Variants in FOXP3 observed in about 807,000 individuals in gnomAD.
FOXP3 encodes forkhead box protein P3.
In FOXP3, 5 loss-of-function variants were observed where a neutral mutation model predicts 31.2. The ratio of observed to expected loss-of-function variants is 0.16; its 90% confidence interval spans 0.08 to 0.34. The LOEUF (loss-of-function observed/expected upper bound fraction) is 0.34. Ranked by LOEUF, FOXP3 falls within the 10% of genes least tolerant of loss-of-function variation. FOXP3 has a pLI of 1.00. For synonymous variants in FOXP3, 141 were observed against 148.8 expected, an observed-to-expected ratio of 0.95 and a Z score of 0.38; for missense variants, 251 against 363.0, an observed-to-expected ratio of 0.69 and a Z score of 2.51.
chrX:49,255,941 C>T, intron 6 of FOXP3, 139 bp from the exon 7 acceptor site: 1 of 537,682 alleles, frequency 1.9e-6, no homozygotes, highest in Non-Finnish European at 3.2e-6. Context: ...CTCAGTCTCC[C>T]TCTCACACCC....
In FOXP3 at chrX:49,253,852, C is replaced by T. The variant is rs1557115897; in HGVS notation, c.967+65G>A. On this transcript the variant is annotated intron_variant, in intron 9 of 11. Coordinates refer to ENST00000376207, the MANE Select transcript of FOXP3 (RefSeq NM_014009.4). Reference sequence around the variant, plus strand: ...GGGCAGCATGGAGCTCCTTTGCACCCTCCACCCAGAGCCTGTCAGGATTAG... The same window carrying T: ...GGGCAGCATGGAGCTCCTTTGCACCTTCCACCCAGAGCCTGTCAGGATTAG... 2.5e-6 allele frequency: 3 copies of T among 1,184,436 alleles called. No homozygotes were observed. In the African/African-American group the frequency reaches 5.3e-5, roughly 21 times the overall value.
intron 8 of FOXP3, among the ~76,000 whole-genome samples, chrX:49,254,961 T>C (rs957244671): frequency 3.5e-4 from 38 of 107,745 alleles, no homozygotes; most frequent in East Asian, 3.5e-3. Flanking sequence ...TTTTTTTTTT[T>C]TTCTTGAGAC....
chrX:49,255,620 G>T, intron 7 of FOXP3, 95 bp downstream of exon 7: 1 of 1,103,595 alleles, frequency 9.1e-7, no homozygotes, highest in Non-Finnish European at 1.2e-6. Context: ...CTTTATACCA[G>T]CCCTCGTCCC....
chrX:49,252,984 C>T (rs1344453013), intron 10 of FOXP3, 142 bp downstream of exon 10: 16 of 516,533 alleles, frequency 3.1e-5, no homozygotes, highest in Admixed American at 2.1e-4. Context: ...ATTTGAGGCA[C>T]GGCTTGGGGA....
intron 10 of FOXP3, among the ~76,000 whole-genome samples, chrX:49,252,526 T>C (rs1266670692): frequency 9.1e-6 from 1 of 109,914 alleles, no homozygotes; most frequent in East Asian, 2.9e-4. Flanking sequence ...TGGTATCATG[T>C]AGGGGTGAGG....
chrX:49,264,622 T>C (rs1557117589), intron 1 of FOXP3, 39 bp downstream of exon 1: 1 of 735,235 alleles, frequency 1.4e-6, no homozygotes, highest in East Asian at 1.5e-4. Context: ...TCTCCTCCAA[T>C]GGGGCCCACA....
Position 49,251,117 on chromosome X carries a change from G to A in FOXP3, c.*217C>T. On this transcript the variant is annotated 3_prime_UTR_variant, in exon 12 of 12. Coordinates refer to ENST00000376207, the MANE Select transcript of FOXP3 (RefSeq NM_014009.4). The stretch of plus-strand genomic sequence containing the variant: ...GGGGCGGAGGTGGGGGCTGGGGCCA[G>A]GACCGGGGCCCCTCTGAGCAGCCTT... The A allele has an allele frequency of 2.2e-6, 1 of 463,753 alleles. No individual in the cohort carries two copies. Among genetic ancestry groups the A allele is most frequent in the Non-Finnish European group, 3.7e-6 (1 of 273,339 alleles). The allele number at this position is 463,753 out of a possible 1,213,427, so 38.2% of individuals were successfully genotyped here. A position where few individuals can be genotyped will look rare whatever the true frequency, so the allele number is the denominator to read the frequency against.
chrX:49,251,164 G>A lies in FOXP3; in HGVS notation c.*170C>T, dbSNP rs781957355. On this transcript the variant is annotated 3_prime_UTR_variant, in exon 12 of 12. Transcript: ENST00000376207. ...CCTTGGGGCAAAGGATATGATGGGG[G>A]AGGGGGTGGCTGCCAGCGGGGGAAC... is the stretch of plus-strand genomic sequence containing the variant. 2 of 623,028 alleles carry A rather than the reference G, an allele frequency of 3.2e-6. No homozygotes were observed. Among genetic ancestry groups the A allele is most frequent in the African/African-American group, 2.3e-5 (1 of 44,151 alleles). 51.3% of individuals were successfully genotyped at this position (623,028 alleles called of 1,213,427 possible).
intron 1 of FOXP3, among the ~76,000 whole-genome samples, chrX:49,262,624 G>A (rs2066116766): frequency 8.9e-6 from 1 of 112,129 alleles, no homozygotes; most frequent in Admixed American, 9.4e-5. Flanking sequence ...TTGTGTGTCA[G>A]GCCTTGTGCT....
At position 49,258,411 on chromosome X, in the gene FOXP3, G is replaced by A; in HGVS notation, c.95C>T (p.Ala32Val). 2 of 1,179,662 alleles carry A rather than the reference G, an allele frequency of 1.7e-6. No individual in the cohort carries two copies. ...ASPSWRAAPK[A>V]SDLLGARGPG... ...GCCCCGGGCCCCCAGCAGGTCTGAG[G>A]CTTTGGGTGCAGCCCTCCAGCTGGG... is the stretch of plus-strand genomic sequence containing the variant. The change falls in exon 2 of 12, where the codon GCC (alanine) becomes GTC (valine). Residue 32 changes from alanine to valine, a missense_variant. Around this residue, in one of 4 missense-constraint regions of FOXP3, gnomAD observed 152 missense variants for 188.1 expected, o/e 0.81. Coordinates refer to ENST00000376207, the MANE Select transcript of FOXP3 (RefSeq NM_014009.4).
intron 1 of FOXP3, 77 bp from the exon 2 acceptor site, chrX:49,258,604 A>T (rs1212715631): frequency 2.3e-6 from 2 of 851,468 alleles, no homozygotes; most frequent in African/African-American, 2.1e-5. Flanking sequence ...AGCCACGTGG[A>T]CACTCCTCTG....
chrX:49,256,220 A>AAGAG lies in FOXP3; in HGVS notation c.648-422_648-419dup, dbSNP rs782303757. On this transcript the variant is annotated intron_variant, in intron 6 of 11. Coordinates refer to ENST00000376207, the MANE Select transcript of FOXP3 (RefSeq NM_014009.4). ...TGTGTGTGTGTGTGAGAGAGAGAGA[A>AAGAG]AGAGAGAGAGAGAGAGAGAGAGAGA... Among the ~76,000 whole-genome samples the AAGAG allele has an allele frequency of 2.8e-3, 186 of 66,993 alleles. 5 individuals carry two copies. Among genetic ancestry groups the AAGAG allele is most frequent in the African/African-American group, 8.6e-3 (106 of 12,396 alleles). The allele number at this position is 66,993 out of a possible 115,157, so 58.2% of individuals were successfully genotyped here. A position where few individuals can be genotyped will look rare whatever the true frequency, so the allele number is the denominator to read the frequency against.
chrX:49,258,119 A>G (rs1321629693), intron 2 of FOXP3, among the ~76,000 whole-genome samples, 177 bp downstream of exon 2: 1 of 111,782 alleles, frequency 8.9e-6, no homozygotes, highest in African/African-American at 3.3e-5. Context: ...GAGGCCTGGC[A>G]GGTGGGGATT....
Position 49,251,737 on chromosome X carries a change from C to T in FOXP3, c.1073G>A (p.Arg358Gln), listed in dbSNP as rs1428528910. 3 of 1,197,895 alleles carry T rather than the reference C, an allele frequency of 2.5e-6. No individual in the cohort carries two copies. The highest frequency in any genetic ancestry group is 2.2e-6 in the Non-Finnish European group (2 of 894,722). Residue 358 changes from arginine to glutamine, a missense_variant, in exon 11 of 12, where the codon CGG (arginine) becomes CAG (glutamine). Transcript: ENST00000376207. ...WAILEAPEKQRTLNEIYHWFT... is the reference protein window; with the variant it reads ...WAILEAPEKQQTLNEIYHWFT... ...CCAGTGGTAGATCTCATTGAGTGTC[C>T]GCTGCTTCTCTGGAGCCTCCAGGAT...
Position 49,257,473 on chromosome X carries a change from G to T in FOXP3, c.408C>A (p.Thr136=), listed in dbSNP as rs782613398. The change falls in exon 4 of 12, where the codon ACC becomes ACA. Residue 136 remains threonine (T), a synonymous_variant. Transcript: ENST00000376207. ...CCTTGAGGGAGAAGACCCCAGTGGC[G>T]GTGGTGGGTGGTGTGAGGCTGATCA... ...PAMISLTPPT[T]ATGVFSLKAR... 1.5e-5 allele frequency: 17 copies of T among 1,146,705 alleles called. No individual in the cohort carries two copies. The highest frequency in any genetic ancestry group is 1.9e-5 in the Non-Finnish European group (16 of 862,519). The allele number at this position is 1,146,705 out of a possible 1,213,427, so 94.5% of individuals were successfully genotyped here.
Position 49,257,502 on chromosome X carries a change from C to T in FOXP3, c.379G>A (p.Ala127Thr). 1 of 1,161,890 alleles carries T rather than the reference C, an allele frequency of 8.6e-7. No individual in the cohort carries two copies. The highest frequency in any genetic ancestry group is 1.2e-6 in the Non-Finnish European group (1 of 866,979). The stretch of plus-strand genomic sequence containing the variant: ...GTGGGTGGTGTGAGGCTGATCATGG[C>T]TGGGCTCTCCAGGGGGTGCACCTGC... ...VLQVHPLESPAMISLTPPTTA... is the reference protein window; with the variant it reads ...VLQVHPLESPTMISLTPPTTA... Residue 127 changes from alanine to threonine, a missense_variant, in exon 4 of 12, where the codon GCC (alanine) becomes ACC (threonine). Ala to Thr is a moderately conservative substitution (Grantham distance 58). Coordinates refer to ENST00000376207, the MANE Select transcript of FOXP3 (RefSeq NM_014009.4).
intron 1 of FOXP3, 78 bp downstream of exon 1, chrX:49,264,583 A>AC (rs371684827): frequency 1.6e-4 from 100 of 611,526 alleles, no homozygotes; most frequent in Non-Finnish European, 1.9e-4. Flanking sequence ...AGGGCCCCTG[A>AC]CCCCCCCGCC....
chrX:49,251,403 A>G lies in FOXP3; in HGVS notation c.1227T>C (p.Asp409=), dbSNP rs782478365. 5.0e-6 allele frequency: 6 copies of G among 1,211,785 alleles called. No individual in the cohort carries two copies. The highest frequency in any genetic ancestry group is 3.0e-5 in the East Asian group (1 of 33,844). Residue 409 remains aspartate (D), a synonymous_variant, in exon 12 of 12, where the codon GAT becomes GAC. Transcript: ENST00000376207. ...TCCGTTTCTTGCGGAACTCCAGCTC[A>G]TCCACGGTCCACACAGCCCCCTTCT... ...ESEKGAVWTV[D]ELEFRKKRSQ...
intron 1 of FOXP3, among the ~76,000 whole-genome samples, chrX:49,259,951 G>A (rs1557116996): frequency 8.9e-6 from 1 of 111,745 alleles, no homozygotes; most frequent in African/African-American, 3.3e-5. Context: ...GAGTATAGAA[G>A]GGTTCTGGGG....
Sources: allele counts gnomAD v4.1 joint callset (sites outside exome capture counted in the v4.1 genomes callset), GRCh38; gene constraint gnomAD v4.1.1; regional missense constraint gnomAD v4.1.1; transcripts MANE v1.5; gene names NCBI Gene and HGNC (gene_info 2026-07-23, HGNC 2026-07-21).